PRKCH: variants seen among roughly 807,000 people sequenced by gnomAD.
PRKCH encodes protein kinase C eta.
Under a neutral mutation model 82.5 loss-of-function variants are expected in PRKCH, and 28 were observed. The ratio of observed to expected loss-of-function variants is 0.34; its 90% CI spans 0.25 to 0.47. The LOEUF is 0.47. Ranked by LOEUF, PRKCH falls within the 20% of genes least tolerant of loss-of-function variation. The pLI, the probability that PRKCH is intolerant of heterozygous loss-of-function variation, is 1.00. For synonymous variants in PRKCH, 322 were observed against 327.4 expected, an observed-to-expected ratio of 0.98 and a Z score of 0.18; for missense variants, 705 against 881.8, an observed-to-expected ratio of 0.80 and a Z score of 2.54.
chr14:61,375,428 C>A (rs1255847068), intron 1 of PRKCH, among the ~76,000 whole-genome samples: 8 of 152,150 alleles, frequency 5.3e-5, no homozygotes, highest in Admixed American at 4.6e-4. Context: ...AGCAGTACCC[C>A]ACTCTTGGTA....
chr14:61,253,981 CCCT>C (rs2044972472), intron 1 of PRKCH, among the ~76,000 whole-genome samples: 4 of 59,180 alleles, frequency 6.8e-5, no homozygotes, highest in South Asian at 8.0e-4. Flanking sequence ...CCTCCCTCCT[CCCT>C]CCCTCCCTCC....
intron 2 of PRKCH, among the ~76,000 whole-genome samples, chr14:61,419,262 G>A (rs1290494506): frequency 6.6e-6 from 1 of 152,194 alleles, no homozygotes; most frequent in African/African-American, 2.4e-5. Context: ...TTGGGTCCAG[G>A]CAGGTGTCCT....
intron 10 of PRKCH, among the ~76,000 whole-genome samples, chr14:61,508,387 C>G (rs975548729): frequency 1.3e-5 from 2 of 152,004 alleles, no homozygotes; most frequent in Non-Finnish European, 2.9e-5. Context: ...GTTGTGTTCC[C>G]CTCTAGGTAG....
chr14:61,545,130 C>G (rs1254120637), intron 12 of PRKCH: 3 of 152,382 alleles, frequency 2.0e-5, no homozygotes, highest in Non-Finnish European at 2.9e-5. Flanking sequence ...CGCAGTTCCT[C>G]AGCCATCCCT....
chr14:61,239,588 C>T (rs1053934919), intron 1 of PRKCH, among the ~76,000 whole-genome samples: 3 of 152,214 alleles, frequency 2.0e-5, no homozygotes, highest in Non-Finnish European at 4.4e-5. Context: ...TGTGCTCTTG[C>T]GCCTTGGGAC....
rs1438733538 is a variant in PRKCH at position 61,549,973 on chromosome 14, A to G, written c.*142A>G. ...GAGCAAGTGAAGAACTCTGTGAAGG[A>G]TGGAACTTTCAGATATCAACTATTT... On this transcript the variant is annotated 3_prime_UTR_variant, in exon 14 of 14. Transcript: ENST00000332981. The G allele has an allele frequency of 1.1e-5, 10 of 877,700 alleles. No individual in the cohort carries two copies. Among genetic ancestry groups the G allele is most frequent in the Middle Eastern group, 2.9e-4 (1 of 3,390 alleles). The allele number at this position is 877,700 out of a possible 1,614,324, so 54.4% of individuals were successfully genotyped here.
chr14:61,430,233 G>A (rs781260946), intron 2 of PRKCH, among the ~76,000 whole-genome samples: 4 of 152,308 alleles, frequency 2.6e-5, no homozygotes, highest in East Asian at 3.9e-4. Flanking sequence ...AGCAATTTTA[G>A]GCTTTAGGGA....
At position 61,232,155 on chromosome 14, in the gene PRKCH, TTGAG is replaced by T. The variant is rs571893128; in HGVS notation, c.-19+44489_-19+44492del. ...GGTTCCCACAATCCCCCACTACGGT[TTGAG>T]TAATTTGTTAGAATGGCTCACAGAA... On this transcript the variant is annotated intron_variant, in intron 1 of 3. Coordinates refer to the PRKCH transcript ENST00000555185. Among the ~76,000 whole-genome samples, 771 of 152,336 alleles carry T rather than the reference TTGAG, an allele frequency of 5.1e-3. 3 individuals carry two copies. Among genetic ancestry groups the T allele is most frequent in the Middle Eastern group, 0.02 (6 of 294 alleles).
chr14:61,375,392 C>A (rs193099223), intron 1 of PRKCH, among the ~76,000 whole-genome samples: 21 of 152,190 alleles, frequency 1.4e-4, no homozygotes, highest in Non-Finnish European at 2.4e-4. Flanking sequence ...TCCAAAGTTG[C>A]TACCATACTT....
intron 1 of PRKCH, among the ~76,000 whole-genome samples, chr14:61,199,618 CAT>C (rs2044464496): frequency 3.8e-5 from 3 of 79,710 alleles, no homozygotes; most frequent in African/African-American, 1.1e-4. Flanking sequence ...GTTTTTGTTT[CAT>C]TTTTTTTTTT....
intron 9 of PRKCH, among the ~76,000 whole-genome samples, chr14:61,465,650 G>A (rs955520642): frequency 4.6e-5 from 7 of 152,186 alleles, no homozygotes; most frequent in Admixed American, 2.6e-4. Context: ...TTTGAAATCA[G>A]GTAGTATAAT....
At chr14:61,259,698 C>A (rs1464404375) in intron 1 of PRKCH, among the ~76,000 whole-genome samples, 1 of 152,210 alleles carries the variant, frequency 6.6e-6, no homozygotes, top group East Asian at 1.9e-4. Context: ...CTCCACTGCA[C>A]ACTTGACCTT....
chr14:61,302,985 T>C (rs150236641), intron 1 of PRKCH: 1 of 152,182 alleles, frequency 6.6e-6, no homozygotes, highest in African/African-American at 2.4e-5. Flanking sequence ...TCAACTGTGA[T>C]TACAGATTTG....
intron 1 of PRKCH, among the ~76,000 whole-genome samples, chr14:61,275,317 T>A (rs1376893778): frequency 6.6e-6 from 1 of 152,232 alleles, no homozygotes; most frequent in East Asian, 1.9e-4. Context: ...TAACACCTCA[T>A]GCATTTTGAT....
chr14:61,281,153 CCGCGCGGGGACCGA>C, intron 1 of PRKCH: 2 of 1,336,774 alleles, frequency 1.5e-6, no homozygotes, highest in South Asian at 2.1e-5. Context: ...GTCATGGCGG[CCGCGCGGGGACCGA>C]CGCGCGGGCT....
intron 7 of PRKCH, among the ~76,000 whole-genome samples, chr14:61,453,572 CT>C (rs1025601302): frequency 2.4e-4 from 36 of 147,276 alleles, no homozygotes; most frequent in South Asian, 6.5e-4. Flanking sequence ...CTCTTTCTCC[CT>C]TTTTTTTCTC....
intron 12 of PRKCH, among the ~76,000 whole-genome samples, chr14:61,545,477 C>T (rs2043244188): frequency 6.6e-6 from 1 of 152,156 alleles, no homozygotes; most frequent in Admixed American, 6.5e-5. Context: ...CCAAGAAACC[C>T]CTAGTGTGCT....
intron 10 of PRKCH, among the ~76,000 whole-genome samples, chr14:61,516,146 C>G (rs551411860): frequency 6.6e-6 from 1 of 152,098 alleles, no homozygotes; most frequent in Non-Finnish European, 1.5e-5. Flanking sequence ...GGTATGACCT[C>G]CCCAAGCCAC....
intron 11 of PRKCH, 93 bp from the exon 12 acceptor site, chr14:61,530,314 A>C: frequency 7.6e-7 from 1 of 1,321,518 alleles, no homozygotes; most frequent in East Asian, 2.5e-5. Flanking sequence ...AAAAACTTTG[A>C]TATTTCCTAA....
Sources: allele counts gnomAD v4.1 joint callset (sites outside exome capture counted in the v4.1 genomes callset), GRCh38; gene constraint gnomAD v4.1.1; transcripts MANE v1.5; gene names NCBI Gene and HGNC (gene_info 2026-07-23, HGNC 2026-07-21).